Variants in SOX5 observed in about 807,000 individuals in gnomAD.
The protein encoded by SOX5 is transcription factor SOX-5.
In SOX5, 9 loss-of-function variants were observed where a neutral mutation model predicts 92.0. That is an observed-to-expected ratio of 0.10 (90% CI 0.06 to 0.17). The LOEUF is 0.17. SOX5 is among the 10% of genes least tolerant of loss of function. SOX5 has a pLI of 1.00. For missense variants in SOX5, 642 were observed against 944.5 expected (o/e 0.68, Z 4.20); for synonymous variants, 344 against 336.3 (o/e 1.02, Z -0.25).
chr12:24,266,034 A>ATGTGTGTGTG (rs59696898), intron 3 of SOX5, among the ~76,000 whole-genome samples: 57 of 127,712 alleles, frequency 4.5e-4, no homozygotes, highest in African/African-American at 1.5e-3. Context: ...ATGCCAGCTA[A>ATGTGTGTGTG]TGTGTGTGTG....
chr12:23,615,432 T>C (rs2076442181), intron 8 of SOX5, among the ~76,000 whole-genome samples: 1 of 152,140 alleles, frequency 6.6e-6, no homozygotes, highest in Non-Finnish European at 1.5e-5. Context: ...GTTGTGTAGA[T>C]TATTTTGTCA....
chr12:24,284,862 C>A (rs760939347), intron 2 of SOX5, among the ~76,000 whole-genome samples: 1 of 152,226 alleles, frequency 6.6e-6, no homozygotes, highest in Non-Finnish European at 1.5e-5. Context: ...TGGTGGCTTA[C>A]ACCTGTAATC....
intron 1 of SOX5, among the ~76,000 whole-genome samples, chr12:24,551,364 C>G (rs561506991): frequency 2.8e-4 from 42 of 152,132 alleles, no homozygotes; most frequent in African/African-American, 9.4e-4. Context: ...AGATGTAGAC[C>G]TCACTGAACG....
chr12:23,958,159 G>A (rs982851415), intron 4 of SOX5, among the ~76,000 whole-genome samples: 6 of 151,898 alleles, frequency 4.0e-5, no homozygotes, highest in African/African-American at 1.4e-4. Context: ...TACTCTTCGT[G>A]GTACAGAAAC....
chr12:24,256,223 C>A (rs115413365), intron 3 of SOX5, among the ~76,000 whole-genome samples: 1 of 152,106 alleles, frequency 6.6e-6, no homozygotes. Flanking sequence ...AAAATGTGAA[C>A]GGAATAAATG....
chr12:24,560,446 A>G (rs1198472407), intron 1 of SOX5, among the ~76,000 whole-genome samples: 1 of 152,192 alleles, frequency 6.6e-6, no homozygotes, highest in Non-Finnish European at 1.5e-5. Context: ...TTGCAGGAGA[A>G]CTTTGCACAG....
intron 7 of SOX5, among the ~76,000 whole-genome samples, chr12:23,663,817 A>C (rs906799898): frequency 2.0e-5 from 3 of 152,094 alleles, no homozygotes; most frequent in Non-Finnish European, 2.9e-5. Context: ...AGAATGTAAA[A>C]TATTTAGAAT....
chr12:24,153,236 A>G (rs928046548), intron 4 of SOX5, among the ~76,000 whole-genome samples: 1 of 151,976 alleles, frequency 6.6e-6, no homozygotes, highest in Admixed American at 6.6e-5. Context: ...AACTTGTCTA[A>G]CCTCTCATAA....
chr12:23,972,029 T>C (rs1948398960), intron 4 of SOX5, among the ~76,000 whole-genome samples: 1 of 152,218 alleles, frequency 6.6e-6, no homozygotes, highest in South Asian at 2.1e-4. Flanking sequence ...TCAATAAATA[T>C]GTGTTAGGTA....
chr12:24,188,910 G>A (rs1457182241), intron 4 of SOX5, among the ~76,000 whole-genome samples: 6 of 152,176 alleles, frequency 3.9e-5, no homozygotes, highest in Non-Finnish European at 8.8e-5. Flanking sequence ...TGAAGCAGTT[G>A]TGTAGTTATG....
At chr12:23,719,807 A>AAAAAAAAC (rs1567209060) in intron 6 of SOX5, among the ~76,000 whole-genome samples, 16 of 140,740 alleles carry the variant, frequency 1.1e-4, no homozygotes, top group South Asian at 4.3e-4. Context: ...AAAAAAAAAA[A>AAAAAAAAC]AAAACTGATG....
At chr12:24,489,907 C>A (rs1482298427) in intron 1 of SOX5, among the ~76,000 whole-genome samples, 1 of 152,206 alleles carries the variant, frequency 6.6e-6, no homozygotes, top group African/African-American at 2.4e-5. Flanking sequence ...GCCTGAGAAA[C>A]GTAGTCCAGA....
intron 1 of SOX5, among the ~76,000 whole-genome samples, chr12:24,525,308 A>G (rs1243662764): frequency 6.6e-6 from 1 of 152,228 alleles, no homozygotes; most frequent in African/African-American, 2.4e-5. Context: ...GCATGAGTTC[A>G]TGTAAATAAG....
At chr12:24,140,304 A>G (rs116056090) in intron 4 of SOX5, among the ~76,000 whole-genome samples, 287 of 152,196 alleles carry the variant, frequency 1.9e-3, no homozygotes, top group African/African-American at 6.5e-3. Context: ...GAAAAAAGGG[A>G]TCTGTTGGAA....
At position 23,786,591 on chromosome 12, in the gene SOX5, TAGG is replaced by T. The variant is rs1477777699; in HGVS notation, c.482-30870_482-30868del. ...AGACCTAGAAATCATAGTGCTTTTG[TAGG>T]AGATCAGTGTTCCTACTGTATCAAT... On this transcript the variant is annotated intron_variant, in intron 3 of 14. Coordinates refer to ENST00000451604, the MANE Select transcript of SOX5 (RefSeq NM_006940.6). Among the ~76,000 whole-genome samples, 5 of 146,326 alleles carry T rather than the reference TAGG, an allele frequency of 3.4e-5. 1 individual carries two copies. The highest frequency in any genetic ancestry group is 7.6e-5 in the Non-Finnish European group (5 of 65,746).
chr12:24,378,488 T>G (rs1251590354), intron 1 of SOX5, among the ~76,000 whole-genome samples: 1 of 152,232 alleles, frequency 6.6e-6, no homozygotes, highest in Non-Finnish European at 1.5e-5. Flanking sequence ...GTCCTTGGCA[T>G]AGCCCATCAC....
intron 8 of SOX5, among the ~76,000 whole-genome samples, chr12:23,635,320 G>C (rs1273657929): frequency 6.6e-6 from 1 of 152,110 alleles, no homozygotes; most frequent in Non-Finnish European, 1.5e-5. Context: ...AGTCATTGAA[G>C]GTCCTTGAGC....
chr12:23,819,325 G>A (rs2096061082), intron 3 of SOX5, among the ~76,000 whole-genome samples: 1 of 152,162 alleles, frequency 6.6e-6, no homozygotes, highest in African/African-American at 2.4e-5. Flanking sequence ...GAAATGTCAT[G>A]TGGCACTTGA....
At chr12:23,899,735 G>C (rs1157457776) in intron 1 of SOX5, among the ~76,000 whole-genome samples, 1 of 152,140 alleles carries the variant, frequency 6.6e-6, no homozygotes, top group Admixed American at 6.6e-5. Flanking sequence ...TAATTTTAAG[G>C]CACAAGCAAA....
Sources: allele counts gnomAD v4.1 joint callset (sites outside exome capture counted in the v4.1 genomes callset), GRCh38; gene constraint gnomAD v4.1.1; transcripts MANE v1.5; gene names NCBI Gene and HGNC (gene_info 2026-07-23, HGNC 2026-07-21).